The following SREBF2 variants were observed in gnomAD, a reference collection of about 807,000 sequenced individuals.
SREBF2 encodes the protein sterol regulatory element-binding protein 2.
SREBF2 carries 55 observed loss-of-function variants against 113.1 expected under a neutral mutation model. That is an observed-to-expected ratio of 0.49 (90% CI 0.39 to 0.61). The LOEUF is 0.61. Ranked by LOEUF, SREBF2 falls within the 20% of genes least tolerant of loss-of-function variation. The pLI is 0.00. For missense variants in SREBF2, 1,349 were observed against 1,487.4 expected, an observed-to-expected ratio of 0.91 and a Z score of 1.53; for synonymous variants, 593 against 605.7, an observed-to-expected ratio of 0.98 and a Z score of 0.31.
In SREBF2 at chr22:41,875,387, G is replaced by A; in HGVS notation, c.1140G>A (p.Leu380=). 6.2e-7 allele frequency: 1 copy of A among 1,614,136 alleles called. No homozygotes were observed. The change falls in exon 6 of 19, where the codon TTG becomes TTA. Residue 380 remains leucine (L), a synonymous_variant. Coordinates refer to ENST00000361204, the MANE Select transcript of SREBF2 (RefSeq NM_004599.4). ...AGGCCATTGATTACATCAAATACTT[G>A]CAGCAGGTCAATCATAAACTGCGCC... ...LRKAIDYIKY[L]QQVNHKLRQE...
intron 12 of SREBF2, among the ~76,000 whole-genome samples, chr22:41,894,502 T>C (rs546317754): frequency 1.3e-5 from 2 of 152,180 alleles, no homozygotes; most frequent in South Asian, 4.2e-4. Flanking sequence ...GACATTCCAT[T>C]TTCTGTTTTC....
Position 41,870,958 on chromosome 22 carries a change from C to T in SREBF2, c.790C>T (p.Pro264Ser), listed in dbSNP as rs771457791. 9.3e-6 allele frequency: 15 copies of T among 1,613,994 alleles called. No homozygotes were observed. The Admixed American group carries it at 1.5e-4, about 16-fold the overall frequency. The change falls in exon 4 of 19, where the codon CCT becomes TCT. Residue 264 changes from proline (P) to serine (S), a missense_variant. Coordinates refer to ENST00000361204, the MANE Select transcript of SREBF2 (RefSeq NM_004599.4). ...VLTTLKTDGS[P>S]VMAAVQNPAL... Reference sequence around the variant, plus strand: ...GACCACACTGAAGACAGATGGCAGCCCTGTTATGGCTGCGGTCCAGAACCC... The same window carrying T: ...GACCACACTGAAGACAGATGGCAGCTCTGTTATGGCTGCGGTCCAGAACCC...
chr22:41,853,867 C>T (rs1014097286), intron 1 of SREBF2, among the ~76,000 whole-genome samples: 1 of 151,962 alleles, frequency 6.6e-6, no homozygotes, highest in African/African-American at 2.4e-5. Context: ...AACCCCGTCT[C>T]TACTAAAAAT....
At chr22:41,864,325 T>TATATATA (rs35089584) in intron 1 of SREBF2, among the ~76,000 whole-genome samples, 3 of 71,072 alleles carry the variant, frequency 4.2e-5, no homozygotes, top group African/African-American at 1.3e-4. Flanking sequence ...ATATATATAT[T>TATATATA]TTTTTTTTTT....
At chr22:41,849,243 A>C (rs918249603) in intron 1 of SREBF2, among the ~76,000 whole-genome samples, 24 of 151,858 alleles carry the variant, frequency 1.6e-4, no homozygotes, top group African/African-American at 5.1e-4. Flanking sequence ...CCCAGGCTGG[A>C]GTGCAATGGC....
chr22:41,887,991 ACTAT>A (rs1340136032), intron 11 of SREBF2, among the ~76,000 whole-genome samples: 2 of 152,128 alleles, frequency 1.3e-5, no homozygotes, highest in African/African-American at 2.4e-5. Flanking sequence ...TTTCATTTGG[ACTAT>A]CTGTCGTCTC....
intron 10 of SREBF2, among the ~76,000 whole-genome samples, chr22:41,881,934 T>G (rs1412309318): frequency 1.3e-5 from 2 of 151,826 alleles, no homozygotes; most frequent in Non-Finnish European, 2.9e-5. Flanking sequence ...TAGCCAGGCT[T>G]GGTGATGCAC....
chr22:41,873,741 T>C, intron 4 of SREBF2, 57 bp from the exon 5 acceptor site: 5 of 1,539,068 alleles, frequency 3.2e-6, no homozygotes, highest in Non-Finnish European at 3.5e-6. Context: ...TGTGTTGAGG[T>C]TGCTTTATGC....
chr22:41,869,858 TTTTC>T (rs1246325349), intron 3 of SREBF2, among the ~76,000 whole-genome samples: 100 of 148,910 alleles, frequency 6.7e-4, no homozygotes, highest in Admixed American at 1.2e-3. Flanking sequence ...ATATCCTCTT[TTTTC>T]TTTTTTTTTT....
rs768470748 is a variant in SREBF2, at chr22:41,893,104, T to C, written c.2209-13T>C. ...CCACCTTGGTGTTACCCCTGGTCCT[T>C]GTCCTTCCACAGAGCTACTTCCTCA... On this transcript the variant is annotated splice_polypyrimidine_tract_variant and intron_variant, in intron 11 of 18. Transcript: ENST00000361204. The C allele has an allele frequency of 7.4e-6, 12 of 1,612,616 alleles. No individual in the cohort carries two copies. In the South Asian group the frequency reaches 1.3e-4, roughly 18 times the overall value.
chr22:41,836,499 C>T (rs976251965), intron 1 of SREBF2, among the ~76,000 whole-genome samples: 2 of 152,220 alleles, frequency 1.3e-5, no homozygotes, highest in Non-Finnish European at 2.9e-5. Context: ...TGCTGAAGGT[C>T]AGTGGTCTGA....
Position 41,905,852 on chromosome 22 carries a change from A to C in SREBF2, c.*192A>C. ...TGCTGTCACTAGATGCCCATGGTCC[A>C]GGGCCTGGTGGGCGTGAGAGGATAG... On this transcript the variant is annotated 3_prime_UTR_variant, in exon 19 of 19. Coordinates refer to ENST00000361204, the MANE Select transcript of SREBF2 (RefSeq NM_004599.4). 1.3e-6 allele frequency: 1 copy of C among 741,254 alleles called. No individual in the cohort carries two copies. The allele number at this position is 741,254 out of a possible 1,614,324, so 45.9% of individuals were successfully genotyped here. A position where few individuals can be genotyped will look rare whatever the true frequency, so the allele number is the denominator to read the frequency against.
At chr22:41,846,913 G>A (rs1354860247) in intron 1 of SREBF2, among the ~76,000 whole-genome samples, 1 of 152,186 alleles carries the variant, frequency 6.6e-6, no homozygotes, top group Non-Finnish European at 1.5e-5. Context: ...TTCTCTGTGA[G>A]CATGGGAGAT....
chr22:41,891,444 A>G (rs1163543466), intron 11 of SREBF2: 1 of 152,184 alleles, frequency 6.6e-6, no homozygotes, highest in African/African-American at 2.4e-5. Context: ...CTTTGAGATT[A>G]TGAGTATGTG....
intron 11 of SREBF2, chr22:41,886,287 C>T (rs1400851086): frequency 6.6e-6 from 1 of 152,152 alleles, no homozygotes; most frequent in Non-Finnish European, 1.5e-5. Context: ...GGGACCAGGT[C>T]TTCAGGACAG....
chr22:41,841,730 GCAAATAT>G (rs1250075634), intron 1 of SREBF2, among the ~76,000 whole-genome samples: 1 of 152,102 alleles, frequency 6.6e-6, no homozygotes. Context: ...TTAGAACTTT[GCAAATAT>G]CAAATTGTCC....
intron 1 of SREBF2, among the ~76,000 whole-genome samples, chr22:41,860,094 C>T (rs543273864): frequency 2.0e-5 from 3 of 151,804 alleles, no homozygotes; most frequent in East Asian, 1.9e-4. Context: ...TGTGAGCCAC[C>T]GCGCCAGGCC....
intron 2 of SREBF2, among the ~76,000 whole-genome samples, chr22:41,867,680 G>A (rs547009519): frequency 1.3e-5 from 2 of 152,202 alleles, no homozygotes; most frequent in East Asian, 1.9e-4. Flanking sequence ...GGTGGCGGGC[G>A]CCTGTAGTCC....
chr22:41,833,297 T>C lies in SREBF2; in HGVS notation c.27T>C (p.Gly9=), dbSNP rs1396388627. 2.0e-6 allele frequency: 3 copies of C among 1,473,340 alleles called. No individual in the cohort carries two copies. The highest frequency in any genetic ancestry group is 2.7e-6 in the Non-Finnish European group (3 of 1,104,298). The allele number at this position is 1,473,340 out of a possible 1,614,324, so 91.3% of individuals were successfully genotyped here. ...TGGACGACAGCGGCGAGCTGGGTGG[T>C]CTGGAGACCATGGAGACCCTCACGG... MDDSGELG[G]LETMETLTEL... Residue 9 remains glycine, a synonymous_variant, in exon 1 of 19, where the codon GGT becomes GGC. Coordinates refer to ENST00000361204, the MANE Select transcript of SREBF2 (RefSeq NM_004599.4). The surrounding 1 kb of genome is among the most constrained non-coding windows in gnomAD (Gnocchi z 4.1).
Sources: allele counts gnomAD v4.1 joint callset (sites outside exome capture counted in the v4.1 genomes callset), GRCh38; gene constraint gnomAD v4.1.1; non-coding constraint Gnocchi (gnomAD v3.1); transcripts MANE v1.5; gene names NCBI Gene and HGNC (gene_info 2026-07-23, HGNC 2026-07-21).